Variants in POU2AF2 observed in about 807,000 individuals in gnomAD.
POU2AF2 encodes POU class 2 homeobox associating factor 2.
At chr11:111,252,306 A>G in the POU2AF2 span, among the ~76,000 whole-genome samples, 2 of 152,186 alleles carry the variant, frequency 1.3e-5, no homozygotes, top group Non-Finnish European at 2.9e-5. Context: ...CTCCAACGTC[A>G]GAGAGCATCA....
the POU2AF2 span, among the ~76,000 whole-genome samples, chr11:111,263,401 C>CT: frequency 6.7e-6 from 1 of 149,908 alleles, no homozygotes; most frequent in Non-Finnish European, 1.5e-5. Flanking sequence ...GTCTGGGAAC[C>CT]TACAACACTC....
the POU2AF2 span, among the ~76,000 whole-genome samples, chr11:111,253,488 C>A: frequency 6.6e-6 from 1 of 152,136 alleles, no homozygotes; most frequent in East Asian, 1.9e-4. Flanking sequence ...TGAGATTCAC[C>A]CTTGAATCTT....
chr11:111,277,743 G>A, the POU2AF2 span, among the ~76,000 whole-genome samples: 75 of 152,282 alleles, frequency 4.9e-4, no homozygotes, highest in East Asian at 5.6e-3. Context: ...AAGAACAATG[G>A]GACATCTCCC....
At chr11:111,268,041 A>G in the POU2AF2 span, among the ~76,000 whole-genome samples, 1 of 152,208 alleles carries the variant, frequency 6.6e-6, no homozygotes, top group Non-Finnish European at 1.5e-5. Context: ...AAAATGCCAA[A>G]AGAAGAAGAA....
the POU2AF2 span, chr11:111,245,765 C>A: frequency 2.5e-6 from 1 of 398,704 alleles, no homozygotes; most frequent in Non-Finnish European, 4.4e-6. Flanking sequence ...AGCTTTCTAG[C>A]AGACCAGGAC....
chr11:111,284,678 T>C, the POU2AF2 span, among the ~76,000 whole-genome samples: 4 of 152,234 alleles, frequency 2.6e-5, no homozygotes, highest in African/African-American at 9.6e-5. Flanking sequence ...TCCCCCACCC[T>C]GTTAGTGCCA....
At chr11:111,257,136 G>C in the POU2AF2 span, among the ~76,000 whole-genome samples, 1 of 152,114 alleles carries the variant, frequency 6.6e-6, no homozygotes, top group Admixed American at 6.5e-5. Context: ...GCACCTGCTG[G>C]GTGCAGAGCA....
chr11:111,256,360 C>T, the POU2AF2 span, among the ~76,000 whole-genome samples: 5 of 152,190 alleles, frequency 3.3e-5, no homozygotes, highest in Non-Finnish European at 1.5e-5. Flanking sequence ...AAAGAGTTTT[C>T]ATGCCCTTTT....
At chr11:111,256,901 A>T in the POU2AF2 span, among the ~76,000 whole-genome samples, 1 of 152,354 alleles carries the variant, frequency 6.6e-6, no homozygotes, top group South Asian at 2.1e-4. Context: ...TAACATGCAA[A>T]ATCAGATTTT....
chr11:111,256,550 G>T, the POU2AF2 span, among the ~76,000 whole-genome samples: 1 of 152,234 alleles, frequency 6.6e-6, no homozygotes, highest in Non-Finnish European at 1.5e-5. Context: ...AGGGGCCCTG[G>T]CCCTTGCCGG....
the POU2AF2 span, chr11:111,284,301 G>GCT: frequency 1.9e-6 from 3 of 1,612,892 alleles, no homozygotes; most frequent in African/African-American, 4.0e-5. Context: ...CCCAACGCGG[G>GCT]CTCTCTGTTC....
At chr11:111,281,343 T>C in the POU2AF2 span, 1 of 1,463,832 alleles carries the variant, frequency 6.8e-7, no homozygotes, top group South Asian at 1.2e-5. Context: ...TCCTAATTTT[T>C]ATTAAATTCA....
chr11:111,269,205 G>GA, the POU2AF2 span, among the ~76,000 whole-genome samples: 1 of 74,708 alleles, frequency 1.3e-5, no homozygotes, highest in East Asian at 3.1e-4. Flanking sequence ...AATTTAAAAA[G>GA]AAAAAAAAAA....
the POU2AF2 span, chr11:111,285,655 G>A: frequency 2.5e-6 from 4 of 1,611,006 alleles, no homozygotes; most frequent in Non-Finnish European, 3.4e-6. Context: ...CTCCTCAGAG[G>A]GACTCATGGG....
the POU2AF2 span, among the ~76,000 whole-genome samples, chr11:111,263,424 G>GTTT: frequency 8.3e-6 from 1 of 120,898 alleles, no homozygotes; most frequent in African/African-American, 2.9e-5. Context: ...GTTTACTGAA[G>GTTT]TTCTTTTTTT....
At chr11:111,253,170 C>T in the POU2AF2 span, among the ~76,000 whole-genome samples, 1 of 152,182 alleles carries the variant, frequency 6.6e-6, no homozygotes, top group Non-Finnish European at 1.5e-5. Flanking sequence ...CCTCTGACAA[C>T]CATTCAAATG....
At chr11:111,285,867 G>C in the POU2AF2 span, 1 of 1,610,136 alleles carries the variant, frequency 6.2e-7, no homozygotes, top group Non-Finnish European at 8.5e-7. Context: ...CACACTCCGG[G>C]GTACCCTACC....
At chr11:111,264,487 C>G in the POU2AF2 span, among the ~76,000 whole-genome samples, 2 of 122,568 alleles carry the variant, frequency 1.6e-5, no homozygotes, top group African/African-American at 3.2e-5. Flanking sequence ...CAGAGCAAGA[C>G]TCACGAAAGA....
the POU2AF2 span, among the ~76,000 whole-genome samples, chr11:111,253,713 A>T: frequency 6.6e-6 from 1 of 152,182 alleles, no homozygotes; most frequent in Non-Finnish European, 1.5e-5. Flanking sequence ...CTTTCTTAAA[A>T]GCCCCCAATG....
Sources: gnomAD v4.1 joint callset for allele counts (sites outside exome capture counted in the v4.1 genomes callset) on GRCh38, gnomAD v4.1.1 for gene constraint, MANE v1.5 for transcripts, NCBI Gene and HGNC (gene_info 2026-07-23, HGNC 2026-07-21) for gene names.